The following MPPED1 variants were observed in gnomAD, a reference collection of about 807,000 sequenced individuals.
The protein encoded by MPPED1 is metallophosphoesterase domain-containing protein 1.
In MPPED1, 16 loss-of-function variants were observed where a neutral mutation model predicts 36.2. That is an observed-to-expected ratio of 0.44 (90% confidence interval 0.30 to 0.67). MPPED1 has a LOEUF of 0.67. Among genes scored for constraint, MPPED1 ranks in the 30% least tolerant of loss-of-function variants. MPPED1 has a pLI of 0.10. For missense variants in MPPED1, 307 were observed against 453.4 expected, an observed-to-expected ratio of 0.68 and a Z score of 2.93; for synonymous variants, 199 against 191.3, an observed-to-expected ratio of 1.04 and a Z score of -0.33.
At chr22:43,436,278 C>T (rs746084298) in intron 3 of MPPED1, among the ~76,000 whole-genome samples, 10 of 152,196 alleles carry the variant, frequency 6.6e-5, no homozygotes, top group Non-Finnish European at 1.2e-4. Context: ...GGCGTGGGTG[C>T]GGGGCCGCTC....
chr22:43,466,154 T>C (rs954108246), intron 3 of MPPED1, among the ~76,000 whole-genome samples: 2 of 152,244 alleles, frequency 1.3e-5, no homozygotes, highest in Non-Finnish European at 2.9e-5. Flanking sequence ...TTAAACATTT[T>C]GGCTATTAGG....
chr22:43,414,566 T>A (rs1929012756), intron 1 of MPPED1, among the ~76,000 whole-genome samples: 1 of 152,200 alleles, frequency 6.6e-6, no homozygotes, highest in East Asian at 1.9e-4. Flanking sequence ...AGGCAAAGAC[T>A]TTTAACAAGT....
At chr22:43,478,774 G>C (rs1225371791) in intron 4 of MPPED1, among the ~76,000 whole-genome samples, 2 of 152,166 alleles carry the variant, frequency 1.3e-5, no homozygotes, top group African/African-American at 2.4e-5. Context: ...CACCCACCGT[G>C]CTGCTGGTAG....
At chr22:43,499,744 T>A (rs1299410282) in intron 5 of MPPED1, among the ~76,000 whole-genome samples, 5 of 42,942 alleles carry the variant, frequency 1.2e-4, no homozygotes, top group Non-Finnish European at 1.5e-4. Context: ...GGGGTGGTGG[T>A]GGTGATGGTG....
chr22:43,417,442 C>T (rs904774664), intron 1 of MPPED1, among the ~76,000 whole-genome samples: 1 of 141,132 alleles, frequency 7.1e-6, no homozygotes, highest in Non-Finnish European at 1.5e-5. Context: ...CTTTGAGTCC[C>T]TCTGCTTTTT....
At chr22:43,451,419 C>T (rs1339155061) in intron 3 of MPPED1, among the ~76,000 whole-genome samples, 1 of 152,142 alleles carries the variant, frequency 6.6e-6, no homozygotes, top group Non-Finnish European at 1.5e-5. Flanking sequence ...AAAAGAAAAG[C>T]GGATTTTAAA....
Position 43,435,122 on chromosome 22 carries a change from A to G in MPPED1, c.313A>G (p.Ile105Val). The change falls in exon 3 of 7, where the codon ATC becomes GTC. Residue 105 changes from isoleucine (I) to valine (V), a missense_variant. Coordinates refer to ENST00000443721, the MANE Select transcript of MPPED1 (RefSeq NM_001044370.2). ...TGATACCCACTCGAGGACGGACCCC[A>G]TCCAGATGCCGTACGGCGACGTGCT... The part of the protein sequence containing the change: ...VSDTHSRTDP[I>V]QMPYGDVLIH... The G allele has an allele frequency of 6.2e-7, 1 of 1,613,872 alleles. No individual in the cohort carries two copies. The highest frequency in any genetic ancestry group is 8.5e-7 in the Non-Finnish European group (1 of 1,179,888).
intron 3 of MPPED1, among the ~76,000 whole-genome samples, chr22:43,470,085 A>T: frequency 6.8e-6 from 1 of 148,036 alleles, no homozygotes; most frequent in Non-Finnish European, 1.5e-5. Context: ...CCAGCCACCC[A>T]TCCATCCATC....
At chr22:43,412,185 G>GCGGGCGCGGGCGGGAGGC (rs1226450104) in intron 1 of MPPED1, 27 bp downstream of exon 1, 7 of 975,382 alleles carry the variant, frequency 7.2e-6, no homozygotes, top group Non-Finnish European at 8.5e-6. Context: ...GCGGGGCGCG[G>GCGGGCGCGGGCGGGAGGC]CGGGCGCGGG....
Position 43,436,236 on chromosome 22 carries a change from T to G in MPPED1, c.406+1021T>G, listed in dbSNP as rs114686423. On this transcript the variant is annotated intron_variant, in intron 3 of 6. Coordinates refer to ENST00000443721, the MANE Select transcript of MPPED1 (RefSeq NM_001044370.2). ...GGGGAAGACAGATGGATGGCCCCTG[T>G]GCAGCCCAGCACCCAGGCCTGCTGC... is the stretch of plus-strand genomic sequence containing the variant. 5.4e-4 allele frequency among the ~76,000 whole-genome samples: 83 copies of G among 152,374 alleles called. 1 individual carries two copies. The highest frequency in any genetic ancestry group is 2.0e-3 in the African/African-American group (82 of 41,602).
intron 4 of MPPED1, among the ~76,000 whole-genome samples, chr22:43,493,502 C>T (rs1358861344): frequency 1.3e-5 from 2 of 152,226 alleles, no homozygotes; most frequent in Non-Finnish European, 2.9e-5. Context: ...TCCACCAACT[C>T]TCACAGCATG....
rs557513838 is a variant in MPPED1 at position 43,432,458 on chromosome 22, AAG to A, written c.225-2571_225-2570del. 1.6e-3 allele frequency among the ~76,000 whole-genome samples: 146 copies of A among 89,550 alleles called. 2 individuals carry two copies. Among genetic ancestry groups the A allele is most frequent in the African/African-American group, 6.2e-3 (135 of 21,652 alleles). The allele number at this position is 89,550 out of a possible 152,430, so 58.7% of individuals were successfully genotyped here. On this transcript the variant is annotated intron_variant, in intron 2 of 6. Transcript: ENST00000443721. Reference sequence around the variant, plus strand: ...AGGAGAGAAAGGGAGGAGAGAGATAAAGAGAGGAGAGAGAGAGAAAGGGAGGA... The same window carrying A: ...AGGAGAGAAAGGGAGGAGAGAGATAAAGAGGAGAGAGAGAGAAAGGGAGGA...
At chr22:43,492,963 T>C (rs1932149898) in intron 4 of MPPED1, among the ~76,000 whole-genome samples, 1 of 152,152 alleles carries the variant, frequency 6.6e-6, no homozygotes, top group Admixed American at 6.5e-5. Context: ...TGTTAACAAT[T>C]TATTCATTAA....
chr22:43,440,558 C>G (rs1400937167), intron 3 of MPPED1, among the ~76,000 whole-genome samples: 1 of 152,224 alleles, frequency 6.6e-6, no homozygotes, highest in African/African-American at 2.4e-5. Flanking sequence ...GCTGCCATCT[C>G]TGAGTGACAG....
At chr22:43,485,566 C>CA (rs2146898136) in intron 4 of MPPED1, among the ~76,000 whole-genome samples, 1 of 152,188 alleles carries the variant, frequency 6.6e-6, no homozygotes, top group African/African-American at 2.4e-5. Flanking sequence ...CAGACACCGC[C>CA]ACGATTTCTC....
intron 3 of MPPED1, among the ~76,000 whole-genome samples, chr22:43,445,732 G>T (rs1348749375): frequency 6.6e-6 from 1 of 151,520 alleles, no homozygotes; most frequent in Non-Finnish European, 1.5e-5. Context: ...CACCATGCCT[G>T]GCTAATTTTT....
At chr22:43,466,670 T>C (rs1931182750) in intron 3 of MPPED1, among the ~76,000 whole-genome samples, 1 of 152,106 alleles carries the variant, frequency 6.6e-6, no homozygotes, top group Non-Finnish European at 1.5e-5. Context: ...CAGCCCACAG[T>C]AGAGTGGACA....
At chr22:43,414,964 C>T (rs1473870744) in intron 1 of MPPED1, among the ~76,000 whole-genome samples, 2 of 152,108 alleles carry the variant, frequency 1.3e-5, no homozygotes, top group Non-Finnish European at 2.9e-5. Context: ...AGGGGCCTTC[C>T]TTCTGGCCTG....
intron 5 of MPPED1, among the ~76,000 whole-genome samples, chr22:43,500,487 C>T (rs890378847): frequency 6.6e-6 from 1 of 150,428 alleles, no homozygotes; most frequent in African/African-American, 2.5e-5. Context: ...GGTCTTGCCC[C>T]TTCCAGTCCA....
Sources: allele counts gnomAD v4.1 joint callset (sites outside exome capture counted in the v4.1 genomes callset), GRCh38; gene constraint gnomAD v4.1.1; transcripts MANE v1.5; gene names NCBI Gene and HGNC (gene_info 2026-07-23, HGNC 2026-07-21).